SEMA3E: variants seen among roughly 807,000 people sequenced by gnomAD.
SEMA3E encodes semaphorin 3E, also known as semaphorin-3E.
SEMA3E carries 49 observed loss-of-function variants against 93.6 expected under a neutral mutation model. The ratio of observed to expected loss-of-function variants is 0.52; its 90% CI spans 0.42 to 0.66. The LOEUF is 0.66. Among genes scored for constraint, SEMA3E ranks in the 30% least tolerant of loss-of-function variants. SEMA3E has a pLI of 0.00. For missense variants in SEMA3E, 906 were observed against 964.8 expected, an observed-to-expected ratio of 0.94 and a Z score of 0.81; for synonymous variants, 363 against 330.7, an observed-to-expected ratio of 1.10 and a Z score of -1.06.
chr7:83,400,289 C>T, intron 10 of SEMA3E, 39 bp from the exon 11 acceptor site: 2 of 1,574,298 alleles, frequency 1.3e-6, no homozygotes, highest in Non-Finnish European at 1.7e-6. Flanking sequence ...TTTTGCTTTA[C>T]ACCCAAAGAG....
chr7:83,417,101 A>G (rs1205656809), intron 5 of SEMA3E, among the ~76,000 whole-genome samples: 1 of 104,274 alleles, frequency 9.6e-6, no homozygotes, highest in East Asian at 6.4e-4. Context: ...TTTTTCTCAA[A>G]TATTGTACCT....
chr7:83,464,497 C>A, intron 4 of SEMA3E, among the ~76,000 whole-genome samples: 1 of 107,862 alleles, frequency 9.3e-6, no homozygotes, highest in Non-Finnish European at 2.1e-5. Context: ...GCTGATATCT[C>A]CTGGTGCTAT....
chr7:83,538,956 T>C (rs1433479029), intron 1 of SEMA3E, among the ~76,000 whole-genome samples: 3 of 152,200 alleles, frequency 2.0e-5, no homozygotes, highest in African/African-American at 7.2e-5. Context: ...TCCCATGACT[T>C]TAAGTCTTTC....
chr7:83,465,451 A>T (rs895456585), intron 4 of SEMA3E, among the ~76,000 whole-genome samples: 6 of 152,212 alleles, frequency 3.9e-5, no homozygotes, highest in Admixed American at 3.9e-4. Context: ...GGCTCTCTCC[A>T]GGGGCAGCTA....
At chr7:83,579,071 G>C (rs1188681739) in intron 1 of SEMA3E, among the ~76,000 whole-genome samples, 1 of 152,116 alleles carries the variant, frequency 6.6e-6, no homozygotes, top group African/African-American at 2.4e-5. Flanking sequence ...GATTTCAAAA[G>C]AGAGAACATG....
At chr7:83,406,983 A>G (rs1283231724) in intron 7 of SEMA3E, 114 bp downstream of exon 7, 9 of 1,219,474 alleles carry the variant, frequency 7.4e-6, no homozygotes, top group Non-Finnish European at 1.1e-5. Context: ...TATCAATTGT[A>G]GGCAGTCTAA....
At chr7:83,433,207 G>A (rs1442604686) in intron 4 of SEMA3E, among the ~76,000 whole-genome samples, 3 of 152,088 alleles carry the variant, frequency 2.0e-5, no homozygotes, top group Non-Finnish European at 4.4e-5. Flanking sequence ...CTTGTTCAAA[G>A]TAAGTGATTT....
chr7:83,590,309 A>G (rs1033244611), intron 1 of SEMA3E, among the ~76,000 whole-genome samples: 1 of 152,158 alleles, frequency 6.6e-6, no homozygotes, highest in East Asian at 1.9e-4. Context: ...ACCCAGATTT[A>G]TTTACAACAT....
intron 1 of SEMA3E, among the ~76,000 whole-genome samples, chr7:83,604,853 C>G (rs1793078228): frequency 6.6e-6 from 1 of 152,010 alleles, no homozygotes; most frequent in Middle Eastern, 3.2e-3. Context: ...TCTCATTATT[C>G]AACTCCCACT....
chr7:83,377,285 C>T (rs970503925), intron 16 of SEMA3E, among the ~76,000 whole-genome samples: 19 of 152,110 alleles, frequency 1.2e-4, no homozygotes, highest in Admixed American at 1.2e-3. Flanking sequence ...AAAATAGAGG[C>T]ATTTTTCACA....
At chr7:83,623,883 A>AC (rs1793616151) in intron 1 of SEMA3E, among the ~76,000 whole-genome samples, 1 of 75,958 alleles carries the variant, frequency 1.3e-5, no homozygotes, top group Non-Finnish European at 2.8e-5. Context: ...CTTGCCCCCC[A>AC]CCCCCAACAG....
chr7:83,521,122 A>C (rs1197150294), intron 1 of SEMA3E, among the ~76,000 whole-genome samples: 4 of 152,000 alleles, frequency 2.6e-5, no homozygotes, highest in African/African-American at 9.7e-5. Flanking sequence ...ATAGATGCAC[A>C]AAATGTTGGT....
intron 1 of SEMA3E, among the ~76,000 whole-genome samples, chr7:83,539,896 T>TGTGTGTGTGTGTGTGTGTGTGTGTG (rs1584318443): frequency 6.6e-6 from 1 of 150,548 alleles, no homozygotes; most frequent in Non-Finnish European, 1.5e-5. Flanking sequence ...TGTGTGTGTG[T>TGTGTGTGTGTGTGTGTGTGTGTGTG]TTGAAGTGGA....
intron 4 of SEMA3E, among the ~76,000 whole-genome samples, chr7:83,433,534 G>T (rs1371107554): frequency 6.6e-6 from 1 of 151,524 alleles, no homozygotes; most frequent in Non-Finnish European, 1.5e-5. Flanking sequence ...TAGTTTAGAA[G>T]CATCTTTTAA....
chr7:83,513,561 A>C (rs143973388), intron 1 of SEMA3E, among the ~76,000 whole-genome samples: 72 of 152,304 alleles, frequency 4.7e-4, no homozygotes, highest in African/African-American at 1.2e-3. Context: ...CACAAAATTA[A>C]AAGTCTGGGA....
chr7:83,400,563 C>T (rs1339831059), intron 10 of SEMA3E, among the ~76,000 whole-genome samples: 1 of 151,938 alleles, frequency 6.6e-6, no homozygotes, highest in African/African-American at 2.4e-5. Flanking sequence ...TTCAAGCAGG[C>T]CCCTACATCT....
intron 1 of SEMA3E, among the ~76,000 whole-genome samples, chr7:83,590,482 G>C (rs190396627): frequency 2.5e-4 from 38 of 152,220 alleles, no homozygotes; most frequent in Middle Eastern, 6.8e-3. Flanking sequence ...GAGTGTTCAC[G>C]CTCACCATTG....
chr7:83,643,457 G>GT (rs1562867631), intron 1 of SEMA3E, among the ~76,000 whole-genome samples: 1 of 151,882 alleles, frequency 6.6e-6, no homozygotes, highest in South Asian at 2.1e-4. Flanking sequence ...TATATGAACT[G>GT]TTTTTTCCTA....
intron 1 of SEMA3E, among the ~76,000 whole-genome samples, chr7:83,568,693 C>T (rs994642860): frequency 2.0e-5 from 3 of 152,046 alleles, no homozygotes; most frequent in Non-Finnish European, 2.9e-5. Flanking sequence ...TAAATACTCT[C>T]AAAAACTAAG....
Sources: gnomAD v4.1 joint callset for allele counts (sites outside exome capture counted in the v4.1 genomes callset) on GRCh38, gnomAD v4.1.1 for gene constraint, MANE v1.5 for transcripts, NCBI Gene and HGNC (gene_info 2026-07-23, HGNC 2026-07-21) for gene names.